ARHGAP31: variants seen among roughly 807,000 people sequenced by gnomAD.
The protein encoded by ARHGAP31 is rho GTPase-activating protein 31.
In ARHGAP31, 34 loss-of-function variants were observed where a neutral mutation model predicts 113.9. The observed-to-expected ratio is 0.30, with a 90% CI of 0.23 to 0.40. ARHGAP31 has a LOEUF of 0.40. ARHGAP31 is among the 10% of genes least tolerant of loss of function. ARHGAP31 has a pLI of 1.00. For synonymous variants in ARHGAP31, 650 were observed against 684.8 expected (o/e 0.95, Z 0.79); for missense variants, 1,548 against 1,767.1 (o/e 0.88, Z 2.22).
chr3:119,344,756 C>T (rs2080039108), intron 1 of ARHGAP31, among the ~76,000 whole-genome samples: 1 of 151,594 alleles, frequency 6.6e-6, no homozygotes, highest in South Asian at 2.1e-4. Context: ...CTCAGCCTCC[C>T]AAGTAGCTGA....
intron 1 of ARHGAP31, among the ~76,000 whole-genome samples, chr3:119,305,900 G>A (rs1246409530): frequency 6.6e-6 from 1 of 152,156 alleles, no homozygotes; most frequent in Admixed American, 6.5e-5. Context: ...ATCCCCTTCA[G>A]GTAATCTGTA....
intron 5 of ARHGAP31, 47 bp from the exon 6 acceptor site, chr3:119,383,037 G>T (rs746065771): frequency 6.3e-7 from 1 of 1,578,048 alleles, no homozygotes. Flanking sequence ...GCTGCTTCAG[G>T]TTGTAAGGCA....
chr3:119,385,255 T>C (rs2080439265), intron 6 of ARHGAP31, among the ~76,000 whole-genome samples: 1 of 152,126 alleles, frequency 6.6e-6, no homozygotes, highest in Non-Finnish European at 1.5e-5. Flanking sequence ...TAGCATATGT[T>C]TTCAAGGTTT....
intron 1 of ARHGAP31, chr3:119,330,056 T>C: frequency 1.1e-6 from 1 of 951,020 alleles, no homozygotes; most frequent in Non-Finnish European, 1.3e-6. Flanking sequence ...GTGGTAGATA[T>C]TTCCATTCAA....
At chr3:119,305,197 C>T (rs905851796) in intron 1 of ARHGAP31, among the ~76,000 whole-genome samples, 2 of 152,184 alleles carry the variant, frequency 1.3e-5, no homozygotes, top group African/African-American at 2.4e-5. Context: ...CTTGACCCAA[C>T]GAGACACAGC....
chr3:119,409,834 T>C lies in ARHGAP31; in HGVS notation c.1926+58T>C, dbSNP rs1011517382. 6.7e-6 allele frequency: 10 copies of C among 1,494,634 alleles called. No individual in the cohort carries two copies. In the African/African-American group the frequency reaches 1.1e-4, roughly 17 times the overall value. 92.6% of individuals were successfully genotyped at this position (1,494,634 alleles called of 1,614,324 possible). On this transcript the variant is annotated intron_variant, in intron 11 of 11. Coordinates refer to ENST00000264245, the MANE Select transcript of ARHGAP31 (RefSeq NM_020754.4). ...TGGAGTTATTTTTTCCCAAGGGCTC[T>C]TGGTACAATTTAAAGTAAATTGAAA...
intron 1 of ARHGAP31, among the ~76,000 whole-genome samples, chr3:119,341,657 T>G (rs1467025466): frequency 6.6e-6 from 1 of 152,112 alleles, no homozygotes; most frequent in Non-Finnish European, 1.5e-5. Flanking sequence ...TCTATAAACA[T>G]GAGTAGTTGG....
At chr3:119,363,433 G>A (rs1026815330) in intron 1 of ARHGAP31, among the ~76,000 whole-genome samples, 4 of 152,166 alleles carry the variant, frequency 2.6e-5, no homozygotes, top group African/African-American at 9.7e-5. Context: ...TCACTCCTAG[G>A]AAGTGGTTCC....
chr3:119,296,237 G>T (rs2079532732), intron 1 of ARHGAP31, among the ~76,000 whole-genome samples: 1 of 152,228 alleles, frequency 6.6e-6, no homozygotes, highest in South Asian at 2.1e-4. Context: ...CTAGAGTTCA[G>T]TCTGCTGTGT....
intron 1 of ARHGAP31, among the ~76,000 whole-genome samples, chr3:119,308,737 C>T (rs1204364392): frequency 6.6e-6 from 1 of 152,238 alleles, no homozygotes; most frequent in Non-Finnish European, 1.5e-5. Flanking sequence ...GGGCATTATA[C>T]TGCTTACCGC....
chr3:119,304,235 G>A (rs1172522438), intron 1 of ARHGAP31, among the ~76,000 whole-genome samples: 1 of 152,184 alleles, frequency 6.6e-6, no homozygotes, highest in Non-Finnish European at 1.5e-5. Flanking sequence ...AGGATTCAAA[G>A]AGGGAAAACA....
Position 119,401,540 on chromosome 3 carries a change from A to C in ARHGAP31, c.1070-282A>C, listed in dbSNP as rs142727575. 2.6e-5 allele frequency among the ~76,000 whole-genome samples: 4 copies of C among 152,314 alleles called. No individual in the cohort carries two copies. The East Asian group carries it at 7.7e-4, about 29-fold the overall frequency. On this transcript the variant is annotated intron_variant, in intron 9 of 11. Coordinates refer to ENST00000264245, the MANE Select transcript of ARHGAP31 (RefSeq NM_020754.4). ...GGCTCTGTTTAGCAACTTTAGCAGT[A>C]ATCTTTTTTTGAAAACTGCTCTACC...
chr3:119,323,580 C>T (rs2107603697), intron 1 of ARHGAP31, among the ~76,000 whole-genome samples: 1 of 152,124 alleles, frequency 6.6e-6, no homozygotes, highest in South Asian at 2.1e-4. Flanking sequence ...TGCATCCGAA[C>T]TGAGGGACAT....
At chr3:119,362,153 T>A (rs1211260701) in intron 1 of ARHGAP31, among the ~76,000 whole-genome samples, 2 of 152,216 alleles carry the variant, frequency 1.3e-5, no homozygotes, top group Admixed American at 1.3e-4. Flanking sequence ...ACTGCCCCTT[T>A]TGTGGAGTGT....
chr3:119,311,938 C>T (rs2079686606), intron 1 of ARHGAP31, among the ~76,000 whole-genome samples: 1 of 152,134 alleles, frequency 6.6e-6, no homozygotes, highest in Non-Finnish European at 1.5e-5. Flanking sequence ...ACAGAGGTAA[C>T]AACAAAAATC....
chr3:119,332,635 T>TCTCTCACACACA (rs1403595583), intron 1 of ARHGAP31, among the ~76,000 whole-genome samples: 11 of 85,664 alleles, frequency 1.3e-4, no homozygotes, highest in Non-Finnish European at 1.9e-4. Context: ...TCTCTCTCTC[T>TCTCTCACACACA]CACACACACA....
intron 6 of ARHGAP31, among the ~76,000 whole-genome samples, chr3:119,387,353 A>G (rs2107633980): frequency 6.6e-6 from 1 of 152,350 alleles, no homozygotes; most frequent in South Asian, 2.1e-4. Context: ...CTAGGCTATG[A>G]TTATAGAGCG....
At chr3:119,333,364 A>T (rs2079913833) in intron 1 of ARHGAP31, among the ~76,000 whole-genome samples, 1 of 152,224 alleles carries the variant, frequency 6.6e-6, no homozygotes. Flanking sequence ...AGCAGCTCCC[A>T]CTAGCATATT....
chr3:119,324,060 G>C (rs1158780160), intron 1 of ARHGAP31, among the ~76,000 whole-genome samples: 1 of 152,052 alleles, frequency 6.6e-6, no homozygotes, highest in Non-Finnish European at 1.5e-5. Context: ...TGGGGCTCTT[G>C]CCATCCCTGC....
Sources: allele counts gnomAD v4.1 joint callset (sites outside exome capture counted in the v4.1 genomes callset), GRCh38; gene constraint gnomAD v4.1.1; transcripts MANE v1.5; gene names NCBI Gene and HGNC (gene_info 2026-07-23, HGNC 2026-07-21).